Variants in IFT46 observed in about 807,000 individuals in gnomAD.
The protein encoded by IFT46 is intraflagellar transport 46.
In IFT46, 19 loss-of-function variants were observed where a neutral mutation model predicts 39.6. The observed-to-expected ratio is 0.48, with a 90% CI of 0.33 to 0.70. The LOEUF (loss-of-function observed/expected upper bound fraction) is 0.70. Ranked by LOEUF, IFT46 falls within the 30% of genes least tolerant of loss-of-function variation. The probability of loss-of-function intolerance (pLI) is 0.01; values close to 1 mark genes in which losing one functional copy is unlikely to be tolerated. For missense variants in IFT46, 334 were observed against 364.8 expected (o/e 0.92, Z 0.69); for synonymous variants, 117 against 134.8 (o/e 0.87, Z 0.91).
rs1047101164 is a variant in IFT46 at position 118,547,908 on chromosome 11, G to A, written c.673-2055C>T. Among the ~76,000 whole-genome samples, 6 of 151,296 alleles carry A rather than the reference G, an allele frequency of 4.0e-5. No homozygotes were observed. In the South Asian group the frequency reaches 6.3e-4, roughly 16 times the overall value. ...ACTATAGGCGCCCGCCACAGCGCCC[G>A]GCTAATTTTTTGTATTTTTAGTAGA... On this transcript the variant is annotated intron_variant, in intron 9 of 11. Transcript: ENST00000264021.
chr11:118,576,297 G>A (rs1555073554), upstream of IFT46, among the ~76,000 whole-genome samples: 1 of 151,020 alleles, frequency 6.6e-6, no homozygotes, highest in African/African-American at 2.4e-5. Context: ...CTTTATGAGG[G>A]AATTTTTTTT....
chr11:118,568,980 A>G (rs559623765), upstream of IFT46, among the ~76,000 whole-genome samples: 6 of 151,908 alleles, frequency 3.9e-5, no homozygotes, highest in Non-Finnish European at 7.4e-5. Context: ...TTATGTGTCA[A>G]TTAGAAAATT....
At chr11:118,566,700 A>C (rs569659424), upstream of IFT46, among the ~76,000 whole-genome samples, 151 of 152,034 alleles carry the variant, frequency 9.9e-4, 1 homozygote, top group African/African-American at 3.6e-3. Flanking sequence ...CTCAAAAAAA[A>C]TTTTTTTTCA....
upstream of IFT46, among the ~76,000 whole-genome samples, chr11:118,570,272 G>A (rs531820021): frequency 1.1e-3 from 172 of 151,442 alleles, no homozygotes; most frequent in African/African-American, 3.7e-3. Flanking sequence ...ATGTTGGCCA[G>A]GATGGTCTCG....
chr11:118,546,513 G>C (rs2135468925), intron 9 of IFT46: 5 of 196,630 alleles, frequency 2.5e-5, no homozygotes, highest in Non-Finnish European at 4.2e-5. Flanking sequence ...AGGGAGGGAG[G>C]GAATCAACCA....
rs376476084 is a variant in IFT46 at position 118,551,783 on chromosome 11, C to A, written c.672+3G>T. The A allele has an allele frequency of 9.3e-6, 15 of 1,613,130 alleles. No homozygotes were observed. The African/African-American group carries it at 1.7e-4, about 19-fold the overall frequency. The stretch of plus-strand genomic sequence containing the variant: ...ACCCTACCTCCTGCTACCTTCCACT[C>A]ACCTTGCCCAAAAGCTCTTCAAACT... On this transcript the variant is annotated splice_donor_region_variant and intron_variant, in intron 9 of 11. Coordinates refer to ENST00000264021, the MANE Select transcript of IFT46 (RefSeq NM_001168618.2).
At chr11:118,562,980 G>A (rs536611720) in intron 2 of IFT46, among the ~76,000 whole-genome samples, 42 of 151,950 alleles carry the variant, frequency 2.8e-4, no homozygotes, top group African/African-American at 8.9e-4. Context: ...CAGGAGAGTC[G>A]CTTGAACCCG....
chr11:118,561,412 AG>A, intron 2 of IFT46: 1 of 823,988 alleles, frequency 1.2e-6, no homozygotes, highest in Non-Finnish European at 2.1e-6. Flanking sequence ...TGTATAAGAA[AG>A]CTCATGCTGC....
chr11:118,545,689 G>A (rs1314964520), intron 10 of IFT46, 104 bp downstream of exon 10: 4 of 1,325,090 alleles, frequency 3.0e-6, no homozygotes, highest in African/African-American at 2.9e-5. Flanking sequence ...TTAAAGTGAA[G>A]GCTGAAACTC....
At chr11:118,576,315 A>G (rs1437748846), upstream of IFT46, among the ~76,000 whole-genome samples, 3 of 150,258 alleles carry the variant, frequency 2.0e-5, no homozygotes, top group Non-Finnish European at 4.4e-5. Flanking sequence ...TTTTTTTTTA[A>G]CCGTCCTGGA....
chr11:118,573,680 C>G, upstream of IFT46: 1 of 702,680 alleles, frequency 1.4e-6, no homozygotes, highest in Non-Finnish European at 2.6e-6. Context: ...AATTTGGTGG[C>G]AATCCTAATA....
At chr11:118,547,544 G>A (rs1378347966) in intron 9 of IFT46, among the ~76,000 whole-genome samples, 1 of 151,816 alleles carries the variant, frequency 6.6e-6, no homozygotes, top group Non-Finnish European at 1.5e-5. Context: ...TCAGCCTCCT[G>A]AGTAGCTGGG....
chr11:118,548,451 G>A (rs1330319973), intron 9 of IFT46, among the ~76,000 whole-genome samples: 3 of 145,564 alleles, frequency 2.1e-5, no homozygotes, highest in Admixed American at 7.1e-5. Context: ...TGCAACCTCC[G>A]CCTCCCGGGT....
chr11:118,572,566 G>A lies in IFT46; in HGVS notation c.-133+30C>T. On this transcript the variant is annotated intron_variant, in intron 1 of 5. Transcript: ENST00000528378. ...CCTCACCATGGTAAGATCCGAGCCAGGACCCGAACTCCTGGGGTCCGAGCC... is the reference window on the plus strand; with the variant it reads ...CCTCACCATGGTAAGATCCGAGCCAAGACCCGAACTCCTGGGGTCCGAGCC... 6.2e-6 allele frequency: 10 copies of A among 1,607,422 alleles called. No individual in the cohort carries two copies. The highest frequency in any genetic ancestry group is 8.5e-6 in the Non-Finnish European group (10 of 1,177,660).
upstream of IFT46, chr11:118,573,853 T>G: frequency 1.9e-6 from 1 of 518,256 alleles, no homozygotes; most frequent in East Asian, 3.1e-5. Context: ...TCCAGAAACT[T>G]GTATTTTCAG....
Position 118,546,372 on chromosome 11 carries a change from T to A in IFT46, c.673-519A>T, listed in dbSNP as rs1158948577. On this transcript the variant is annotated intron_variant, in intron 9 of 11. Transcript: ENST00000264021. The stretch of plus-strand genomic sequence containing the variant: ...CGGGTGTGGTGTTGAGTATCTGTAG[T>A]CCCAGCTACTTGGGAGGCTGGGGTG... 4 of 519,400 alleles carry A rather than the reference T, an allele frequency of 7.7e-6. No individual in the cohort carries two copies. The African/African-American group carries it at 7.7e-5, about 10-fold the overall frequency. The allele number at this position is 519,400 out of a possible 1,614,324, so 32.2% of individuals were successfully genotyped here. A position where few individuals can be genotyped will look rare whatever the true frequency, so the allele number is the denominator to read the frequency against.
chr11:118,572,904 C>G (rs782238122), exon 1 of IFT46: 19 of 303,460 alleles, frequency 6.3e-5, no homozygotes, highest in East Asian at 3.9e-4. Context: ...GCTGTCCCGC[C>G]GGTTCCCTGG....
intron 9 of IFT46, among the ~76,000 whole-genome samples, chr11:118,547,506 C>T (rs1443274847): frequency 6.6e-6 from 1 of 152,162 alleles, no homozygotes; most frequent in Non-Finnish European, 1.5e-5. Flanking sequence ...GCAACCTCCA[C>T]TTCCTGGATT....
At chr11:118,548,968 C>T (rs1327088289) in intron 9 of IFT46, among the ~76,000 whole-genome samples, 2 of 151,274 alleles carry the variant, frequency 1.3e-5, no homozygotes, top group Non-Finnish European at 2.9e-5. Context: ...TCTTGGCTCA[C>T]TGCAACATCT....
Sources: allele counts gnomAD v4.1 joint callset (sites outside exome capture counted in the v4.1 genomes callset), GRCh38; gene constraint gnomAD v4.1.1; transcripts MANE v1.5; gene names NCBI Gene and HGNC (gene_info 2026-07-23, HGNC 2026-07-21).